The following NR5A2 variants were observed in gnomAD, a reference collection of about 807,000 sequenced individuals.
The protein encoded by NR5A2 is nuclear receptor subfamily 5 group A member 2.
NR5A2 carries 26 observed loss-of-function variants against 62.7 expected under a neutral mutation model. The ratio of observed to expected loss-of-function variants is 0.41; its 90% CI spans 0.30 to 0.58. NR5A2 has a LOEUF of 0.58. Ranked by LOEUF, NR5A2 falls within the 20% of genes least tolerant of loss-of-function variation. The probability of loss-of-function intolerance (pLI) is 0.22; values close to 1 mark genes in which losing one functional copy is unlikely to be tolerated. For synonymous variants in NR5A2, 246 were observed against 241.7 expected (o/e 1.02, Z -0.16); for missense variants, 541 against 669.1 (o/e 0.81, Z 2.11).
At chr1:200,164,984 C>A (rs1324670948) in intron 7 of NR5A2, among the ~76,000 whole-genome samples, 1 of 144,106 alleles carries the variant, frequency 6.9e-6, no homozygotes. Context: ...TCAAGTGATT[C>A]TCCTGCCTCA....
At chr1:200,091,146 C>T (rs1664797243) in intron 5 of NR5A2, among the ~76,000 whole-genome samples, 1 of 152,072 alleles carries the variant, frequency 6.6e-6, no homozygotes, top group Non-Finnish European at 1.5e-5. Flanking sequence ...GCAGCAACTC[C>T]AGTATTTGCA....
chr1:200,043,643 A>G, intron 2 of NR5A2, 131 bp from the exon 3 acceptor site: 1 of 564,414 alleles, frequency 1.8e-6, no homozygotes, highest in Non-Finnish European at 3.1e-6. Context: ...AGACCTTGCT[A>G]AAAATTGTTT....
intron 5 of NR5A2, among the ~76,000 whole-genome samples, chr1:200,110,262 C>T (rs544112502): frequency 6.6e-6 from 1 of 152,224 alleles, no homozygotes; most frequent in African/African-American, 2.4e-5. Flanking sequence ...TAAATATGGC[C>T]ATTGCATTTG....
At chr1:200,110,995 T>TA (rs1386076577) in intron 5 of NR5A2, among the ~76,000 whole-genome samples, 4 of 152,126 alleles carry the variant, frequency 2.6e-5, no homozygotes, top group Non-Finnish European at 5.9e-5. Flanking sequence ...ACGTGTGTCC[T>TA]AAAAAAACTA....
intron 5 of NR5A2, among the ~76,000 whole-genome samples, chr1:200,098,496 G>A (rs1665205377): frequency 6.6e-6 from 1 of 152,164 alleles, no homozygotes; most frequent in African/African-American, 2.4e-5. Context: ...AAAATAGGAA[G>A]ATTGTTCTTT....
At chr1:200,044,573 A>G (rs1185473069) in intron 3 of NR5A2, 1 of 152,120 alleles carries the variant, frequency 6.6e-6, no homozygotes, top group Non-Finnish European at 1.5e-5. Flanking sequence ...TAAATTCAAT[A>G]TTCACTATTT....
At chr1:200,053,499 G>A (rs1210833051) in intron 5 of NR5A2, among the ~76,000 whole-genome samples, 2 of 151,666 alleles carry the variant, frequency 1.3e-5, no homozygotes, top group South Asian at 2.1e-4. Context: ...GCAGAACTGG[G>A]ACTGGTAGAT....
chr1:200,156,175 C>T (rs1653374579), intron 7 of NR5A2, among the ~76,000 whole-genome samples: 1 of 152,106 alleles, frequency 6.6e-6, no homozygotes, highest in South Asian at 2.1e-4. Flanking sequence ...TTGAAAATCC[C>T]TATAAGACAG....
Position 200,093,145 on chromosome 1 carries a change from C to A in NR5A2, c.1111-18057C>A, listed in dbSNP as rs185946596. Among the ~76,000 whole-genome samples, 769 of 152,058 alleles carry A rather than the reference C, an allele frequency of 5.1e-3. 7 individuals are homozygous for A. Among genetic ancestry groups the A allele is most frequent in the African/African-American group, 0.018 (743 of 41,474 alleles). On this transcript the variant is annotated intron_variant, in intron 5 of 7. Transcript: ENST00000367362. ...GGTCTTGAACACCTGACCTTGTGATCCACCCATCTCAGCCTCCCAAAGTGC... is the reference window on the plus strand; with the variant it reads ...GGTCTTGAACACCTGACCTTGTGATACACCCATCTCAGCCTCCCAAAGTGC...
At chr1:200,057,446 A>G (rs115811974) in intron 5 of NR5A2, 144 of 247,568 alleles carry the variant, frequency 5.8e-4, no homozygotes, top group African/African-American at 3.2e-3. Flanking sequence ...AGAGATGTCA[A>G]GTTAATTGAT....
At chr1:200,088,519 A>G (rs1664665164) in intron 5 of NR5A2, among the ~76,000 whole-genome samples, 1 of 150,874 alleles carries the variant, frequency 6.6e-6, no homozygotes, top group Admixed American at 6.6e-5. Context: ...GGCCTCCCAA[A>G]GTGCTGGGAT....
chr1:200,156,225 A>G (rs376388045), intron 7 of NR5A2, among the ~76,000 whole-genome samples: 34 of 152,302 alleles, frequency 2.2e-4, no homozygotes, highest in African/African-American at 7.9e-4. Context: ...GGGCTTCTGT[A>G]GGGGGCATAG....
chr1:200,108,653 T>A (rs1395027593), intron 5 of NR5A2, among the ~76,000 whole-genome samples: 1 of 152,196 alleles, frequency 6.6e-6, no homozygotes, highest in Admixed American at 6.5e-5. Context: ...TTCCCTGAAA[T>A]AAGTGCTAAA....
chr1:200,030,940 CTG>C (rs1213598787), intron 1 of NR5A2, among the ~76,000 whole-genome samples: 2 of 152,182 alleles, frequency 1.3e-5, no homozygotes, highest in Non-Finnish European at 2.9e-5. Flanking sequence ...CCAGCAAGCT[CTG>C]TGCTCATAAG....
intron 5 of NR5A2, among the ~76,000 whole-genome samples, chr1:200,071,034 G>A (rs1021425325): frequency 1.3e-5 from 2 of 152,080 alleles, no homozygotes; most frequent in African/African-American, 2.4e-5. Context: ...AGATATATAC[G>A]TCCTTTTACA....
intron 7 of NR5A2, among the ~76,000 whole-genome samples, chr1:200,158,154 A>G (rs1275042389): frequency 6.6e-6 from 1 of 152,224 alleles, no homozygotes; most frequent in Non-Finnish European, 1.5e-5. Flanking sequence ...AAAGAAATGC[A>G]ATTTTAGTAA....
intron 7 of NR5A2, among the ~76,000 whole-genome samples, chr1:200,158,496 T>C (rs1653486216): frequency 6.6e-6 from 1 of 152,344 alleles, no homozygotes; most frequent in South Asian, 2.1e-4. Context: ...TTAAAATTGG[T>C]GATACATTAA....
intron 6 of NR5A2, among the ~76,000 whole-genome samples, chr1:200,115,612 C>T (rs1666178900): frequency 6.6e-6 from 1 of 152,174 alleles, no homozygotes; most frequent in Non-Finnish European, 1.5e-5. Flanking sequence ...ACATTAGACA[C>T]AGCTCTGCAG....
rs548304853 is a variant in NR5A2 at position 200,110,011 on chromosome 1, C to T, written c.1111-1191C>T. On this transcript the variant is annotated intron_variant, in intron 5 of 7. Coordinates refer to ENST00000367362, the MANE Select transcript of NR5A2 (RefSeq NM_205860.3). ...AACTCCTGACCTCAGGTCATCTGCC[C>T]GCCTCAGCCTCCCAAAGTGCTAGGA... 1.9e-4 allele frequency among the ~76,000 whole-genome samples: 29 copies of T among 152,200 alleles called. 1 individual carries two copies. Among genetic ancestry groups the T allele is most frequent in the South Asian group, 1.0e-3 (5 of 4,820 alleles).
Sources: gnomAD v4.1 joint callset for allele counts (sites outside exome capture counted in the v4.1 genomes callset) on GRCh38, gnomAD v4.1.1 for gene constraint, MANE v1.5 for transcripts, NCBI Gene and HGNC (gene_info 2026-07-23, HGNC 2026-07-21) for gene names.